The following AFF2 variants were observed in gnomAD, a reference collection of about 807,000 sequenced individuals.
AFF2 encodes ALF transcription elongation factor 2.
A neutral mutation model predicts 76.9 loss-of-function variants in AFF2; 14 were observed. That is an observed-to-expected ratio of 0.18 (90% confidence interval 0.12 to 0.28). The LOEUF (loss-of-function observed/expected upper bound fraction) is 0.28, where lower values mean the gene tolerates loss of function less well. Among genes scored for constraint, AFF2 ranks in the 10% least tolerant of loss-of-function variants. The pLI is 1.00. For synonymous variants in AFF2, 398 were observed against 366.7 expected, an observed-to-expected ratio of 1.09 and a Z score of -0.98; for missense variants, 868 against 1,001.1, an observed-to-expected ratio of 0.87 and a Z score of 1.79.
Position 148,809,847 on chromosome X carries a change from C to G in AFF2, c.1042-29C>G, listed in dbSNP as rs1172716635. Reference sequence around the variant, plus strand: ...ATACAAGAAGAAGAAGTAGATTGTGCCTAATGTTTTCTGTTTATTTTGTTT... The same window carrying G: ...ATACAAGAAGAAGAAGTAGATTGTGGCTAATGTTTTCTGTTTATTTTGTTT... On this transcript the variant is annotated intron_variant, in intron 3 of 20. Coordinates refer to ENST00000370460, the MANE Select transcript of AFF2 (RefSeq NM_002025.4). 17 of 1,197,532 alleles carry G rather than the reference C, an allele frequency of 1.4e-5. No homozygotes were observed. In the Admixed American group the frequency reaches 2.9e-4, roughly 20 times the overall value.
intron 4 of AFF2, among the ~76,000 whole-genome samples, chrX:148,832,089 G>T (rs782053980): frequency 8.9e-6 from 1 of 112,062 alleles, no homozygotes; most frequent in Non-Finnish European, 1.9e-5. Context: ...GTGGTGATTT[G>T]TAAAGCTACT....
chrX:148,806,406 G>A lies in AFF2; in HGVS notation c.1042-3470G>A, dbSNP rs148874247. Among the ~76,000 whole-genome samples the A allele has an allele frequency of 2.3e-3, 263 of 111,919 alleles. 1 individual carries two copies. Among genetic ancestry groups the A allele is most frequent in the African/African-American group, 8.0e-3 (246 of 30,802 alleles). ...CACTCCCATATGGAGCGAGGACTAC[G>A]GTGGGGACCTCAACGGCTGGGAGCT... On this transcript the variant is annotated intron_variant, in intron 3 of 20. Coordinates refer to ENST00000370460, the MANE Select transcript of AFF2 (RefSeq NM_002025.4).
intron 1 of AFF2, among the ~76,000 whole-genome samples, chrX:148,616,971 C>T (rs1267895922): frequency 1.8e-5 from 2 of 111,609 alleles, no homozygotes; most frequent in Non-Finnish European, 3.8e-5. Context: ...TCCAGTCTAT[C>T]GTTGTTGGAC....
intron 1 of AFF2, among the ~76,000 whole-genome samples, chrX:148,566,022 A>G (rs1019219985): frequency 8.1e-5 from 9 of 111,774 alleles, no homozygotes; most frequent in African/African-American, 2.9e-4. Context: ...TCAGATGTGT[A>G]TACATATCCT....
chrX:148,685,928 C>G (rs1334733053), intron 3 of AFF2, among the ~76,000 whole-genome samples: 1 of 109,967 alleles, frequency 9.1e-6, no homozygotes, highest in East Asian at 2.8e-4. Context: ...CTCTCTCTCT[C>G]TATCTCTCTC....
intron 3 of AFF2, among the ~76,000 whole-genome samples, chrX:148,704,039 G>A (rs993282336): frequency 9.5e-6 from 1 of 104,977 alleles, no homozygotes; most frequent in Non-Finnish European, 1.9e-5. Flanking sequence ...GGGACTACAG[G>A]TGCATGCCAC....
intron 3 of AFF2, among the ~76,000 whole-genome samples, chrX:148,787,604 C>G (rs1303229734): frequency 8.9e-6 from 1 of 111,867 alleles, no homozygotes; most frequent in Non-Finnish European, 1.9e-5. Context: ...ATTATAGTTT[C>G]AGTTCAGTAA....
chrX:148,730,947 A>C (rs1557264612), intron 3 of AFF2, among the ~76,000 whole-genome samples: 1 of 111,707 alleles, frequency 9.0e-6, no homozygotes, highest in African/African-American at 3.3e-5. Flanking sequence ...GGCAGCCAGG[A>C]AGATTGTGTA....
At chrX:148,887,214 T>G (rs1481871269) in intron 8 of AFF2, among the ~76,000 whole-genome samples, 1 of 112,830 alleles carries the variant, frequency 8.9e-6, no homozygotes, top group Non-Finnish European at 1.9e-5. Flanking sequence ...TTCACAACTG[T>G]TCCCCAAGGG....
At chrX:148,655,004 G>A (rs2054237044) in intron 2 of AFF2, among the ~76,000 whole-genome samples, 2 of 111,065 alleles carry the variant, frequency 1.8e-5, no homozygotes, top group Non-Finnish European at 3.8e-5. Flanking sequence ...TTTAAGTCAC[G>A]ATGAATTGAT....
chrX:148,647,951 C>A (rs782365968), intron 1 of AFF2, among the ~76,000 whole-genome samples: 142 of 111,680 alleles, frequency 1.3e-3, no homozygotes, highest in Non-Finnish European at 2.2e-3. Context: ...CTAGATCTCA[C>A]GGAATCTACA....
At chrX:148,901,788 A>G (rs2071358266) in intron 8 of AFF2, among the ~76,000 whole-genome samples, 1 of 112,258 alleles carries the variant, frequency 8.9e-6, no homozygotes, top group Non-Finnish European at 1.9e-5. Flanking sequence ...CAGTGAAAGC[A>G]TAGTAACACA....
At position 148,987,458 on chromosome X, in the gene AFF2, A is replaced by T; in HGVS notation, c.3715A>T (p.Ile1239Phe). The T allele has an allele frequency of 8.3e-7, 1 of 1,211,247 alleles. No homozygotes were observed. Among genetic ancestry groups the T allele is most frequent in the Non-Finnish European group, 1.1e-6 (1 of 894,917 alleles). ...NNGPVTIPQRIHHMAASHVNI... is the reference protein window; with the variant it reads ...NNGPVTIPQRFHHMAASHVNI... Reference sequence around the variant, plus strand: ...TGGCCCAGTCACCATTCCCCAGCGCATTCACCACATGGCTGCCAGCCACGT... The same window carrying T: ...TGGCCCAGTCACCATTCCCCAGCGCTTTCACCACATGGCTGCCAGCCACGT... The change falls in exon 20 of 21, where the codon ATT becomes TTT. Residue 1239 changes from isoleucine to phenylalanine, a missense_variant. Physicochemically the swap from Ile to Phe is conservative, Grantham distance 21. Around this residue, in one of 6 missense-constraint regions of AFF2, gnomAD observed 46 missense variants for 40.8 expected, o/e 1.13. Coordinates refer to ENST00000370460, the MANE Select transcript of AFF2 (RefSeq NM_002025.4).
intron 3 of AFF2, among the ~76,000 whole-genome samples, chrX:148,702,128 AT>A (rs782556028): frequency 0.015 from 1,712 of 111,198 alleles, 33 homozygotes; most frequent in African/African-American, 0.05. Flanking sequence ...TGGATGTCAC[AT>A]TTTTTTTATA....
intron 1 of AFF2, among the ~76,000 whole-genome samples, chrX:148,528,331 C>A (rs190380176): frequency 4.5e-5 from 5 of 112,021 alleles, no homozygotes; most frequent in Non-Finnish European, 9.4e-5. Flanking sequence ...ATTTTAACTT[C>A]TCGAGGTGAG....
At chrX:148,839,894 GGTGTGTGTGTGT>G (rs200060298) in intron 5 of AFF2, among the ~76,000 whole-genome samples, 15 of 87,032 alleles carry the variant, frequency 1.7e-4, no homozygotes, top group South Asian at 6.6e-4. Context: ...GTTGGGGCAT[GGTGTGTGTGTGT>G]GTGTGTGTGT....
chrX:148,836,464 A>C (rs1400297784), intron 4 of AFF2, among the ~76,000 whole-genome samples: 5 of 111,489 alleles, frequency 4.5e-5, no homozygotes, highest in Non-Finnish European at 9.4e-5. Context: ...CTTTGAAATG[A>C]CTAATTATGT....
intron 1 of AFF2, among the ~76,000 whole-genome samples, chrX:148,626,123 C>T (rs1255075717): frequency 8.9e-6 from 1 of 111,880 alleles, no homozygotes; most frequent in Non-Finnish European, 1.9e-5. Flanking sequence ...GTTTGGTGGA[C>T]TCTCCCCCTA....
At chrX:148,846,017 C>G (rs190612464) in intron 7 of AFF2, among the ~76,000 whole-genome samples, 167 of 112,116 alleles carry the variant, frequency 1.5e-3, no homozygotes, top group African/African-American at 5.4e-3. Flanking sequence ...CACATGGGCA[C>G]CAGGTCTGAA....
Sources: allele counts gnomAD v4.1 joint callset (sites outside exome capture counted in the v4.1 genomes callset), GRCh38; gene constraint gnomAD v4.1.1; regional missense constraint gnomAD v4.1.1; transcripts MANE v1.5; gene names NCBI Gene and HGNC (gene_info 2026-07-23, HGNC 2026-07-21).